HPD: variants seen among roughly 807,000 people sequenced by gnomAD.
HPD encodes the protein 4-hydroxyphenylpyruvate dioxygenase, also known as 4-hydroxyphenylpyruvic acid oxidase.
In HPD, 35 loss-of-function variants were observed where a neutral mutation model predicts 56.9. That is an observed-to-expected ratio of 0.62 (90% CI 0.47 to 0.82). HPD has a LOEUF of 0.82. HPD is among the 40% of genes least tolerant of loss of function. The pLI is 0.00. For synonymous variants in HPD, 186 were observed against 200.2 expected, an observed-to-expected ratio of 0.93 and a Z score of 0.60; for missense variants, 442 against 506.8, an observed-to-expected ratio of 0.87 and a Z score of 1.23.
At chr12:121,867,311 C>G (rs1332816954), upstream of HPD, among the ~76,000 whole-genome samples, 1 of 149,944 alleles carries the variant, frequency 6.7e-6, no homozygotes, top group African/African-American at 2.5e-5. Context: ...AAGATTGCAC[C>G]ACTGCACTCC....
chr12:121,879,229 G>A, the HPD span, among the ~76,000 whole-genome samples: 7 of 151,982 alleles, frequency 4.6e-5, no homozygotes, highest in African/African-American at 1.4e-4. Context: ...AGGTTGCAAT[G>A]AGCCGAGATT....
chr12:121,855,873 G>A (rs1174064371), intron 6 of HPD, among the ~76,000 whole-genome samples: 2 of 149,962 alleles, frequency 1.3e-5, no homozygotes, highest in Non-Finnish European at 2.9e-5. Flanking sequence ...AGGAGGCTGA[G>A]GCAGGAGAAT....
rs991417993 is a variant in HPD at position 121,857,146 on chromosome 12, G to T, written c.198+182C>A. 1.5e-5 allele frequency: 9 copies of T among 597,674 alleles called. No homozygotes were observed. The African/African-American group carries it at 1.7e-4, about 11-fold the overall frequency. The allele number at this position is 597,674 out of a possible 1,614,324, so 37.0% of individuals were successfully genotyped here. ...CCAGGCTGGAGTGCAGTGGCACGAC[G>T]TTGGCTCACTGCAACCTCTGCCTCC... On this transcript the variant is annotated intron_variant, in intron 4 of 13. Coordinates refer to ENST00000289004, the MANE Select transcript of HPD (RefSeq NM_002150.3).
chr12:121,843,959 G>T (rs914986349), intron 11 of HPD, 127 bp from the exon 12 acceptor site: 23 of 1,046,646 alleles, frequency 2.2e-5, no homozygotes, highest in Middle Eastern at 2.4e-4. Context: ...AGGATGCTGT[G>T]TGGCCTCTTC....
the HPD span, among the ~76,000 whole-genome samples, chr12:121,884,863 T>G: frequency 6.6e-6 from 1 of 152,126 alleles, no homozygotes; most frequent in Non-Finnish European, 1.5e-5. Flanking sequence ...CGTATTTACT[T>G]TATCTCTCTC....
rs191808721 is a variant in HPD at position 121,853,422 on chromosome 12, A to G, written c.414+1281T>C. On this transcript the variant is annotated intron_variant, in intron 7 of 13. Transcript: ENST00000289004. ...GGCGGGCGGATCACAAGGTCAGGAG[A>G]TCGAGACCATCCTGGATAACACGGT... 5.8e-3 allele frequency among the ~76,000 whole-genome samples: 873 copies of G among 150,372 alleles called. 5 individuals carry two copies. The highest frequency in any genetic ancestry group is 0.018 in the African/African-American group (717 of 40,874).
chr12:121,862,582 CCACCGCTCTCGGCCTTT>C (rs1878205196), upstream of HPD, among the ~76,000 whole-genome samples: 1 of 134,688 alleles, frequency 7.4e-6, no homozygotes, highest in African/African-American at 2.9e-5. Flanking sequence ...CAGGCGTGAG[CCACCGCTCTCGGCCTTT>C]TTTTTTTTTT....
intron 11 of HPD, 75 bp downstream of exon 11, chr12:121,846,787 C>A: frequency 1.4e-6 from 2 of 1,410,156 alleles, no homozygotes; most frequent in East Asian, 2.3e-5. Flanking sequence ...TGCCGCCACC[C>A]GCCCTCTCAA....
upstream of HPD, among the ~76,000 whole-genome samples, chr12:121,860,589 G>C (rs534715662): frequency 6.5e-4 from 99 of 152,274 alleles, no homozygotes; most frequent in Non-Finnish European, 9.1e-4. Flanking sequence ...GTTCAGGCTG[G>C]GCTCCACTGG....
chr12:121,842,741 CTTTTTTTT>C (rs34879391), intron 12 of HPD, among the ~76,000 whole-genome samples: 2 of 76,246 alleles, frequency 2.6e-5, no homozygotes, highest in Non-Finnish European at 4.9e-5. Flanking sequence ...TAAAATGGAT[CTTTTTTTT>C]TTTTTTTTTT....
the HPD span, among the ~76,000 whole-genome samples, chr12:121,881,520 T>C: frequency 6.6e-6 from 1 of 152,132 alleles, no homozygotes; most frequent in Non-Finnish European, 1.5e-5. Flanking sequence ...TACAACTCTC[T>C]CTAGGTTTCC....
chr12:121,861,785 G>A (rs1878180195), upstream of HPD, among the ~76,000 whole-genome samples: 1 of 152,072 alleles, frequency 6.6e-6, no homozygotes, highest in South Asian at 2.1e-4. Context: ...AGACTTAAAG[G>A]GCTTAAGAAA....
chr12:121,848,373 G>T (rs375329078), intron 9 of HPD, among the ~76,000 whole-genome samples: 1 of 152,026 alleles, frequency 6.6e-6, no homozygotes, highest in Non-Finnish European at 1.5e-5. Context: ...GTGCAGTGGC[G>T]TAATCTCAGC....
At chr12:121,864,583 G>A (rs142506039), upstream of HPD, among the ~76,000 whole-genome samples, 8,059 of 148,354 alleles carry the variant, frequency 0.054, 336 homozygotes, top group Non-Finnish European at 0.077. Flanking sequence ...GCCGGGCGCA[G>A]TGGCTCACGT....
chr12:121,855,433 T>C (rs1350043577), intron 6 of HPD, among the ~76,000 whole-genome samples: 1 of 152,146 alleles, frequency 6.6e-6, no homozygotes, highest in African/African-American at 2.4e-5. Flanking sequence ...ACAGTAATTC[T>C]GAGGCCAGGC....
the HPD span, among the ~76,000 whole-genome samples, chr12:121,885,915 C>T: frequency 2.0e-5 from 3 of 150,620 alleles, no homozygotes; most frequent in African/African-American, 2.4e-5. Context: ...GCCGAGATCT[C>T]GCCACTGCAC....
chr12:121,856,665 G>A (rs774905203), intron 4 of HPD, 40 bp from the exon 5 acceptor site: 3 of 1,599,194 alleles, frequency 1.9e-6, no homozygotes, highest in East Asian at 2.2e-5. Flanking sequence ...AGTGGCTCAG[G>A]GGGGCATGGG....
the HPD span, among the ~76,000 whole-genome samples, chr12:121,876,254 T>C: frequency 6.6e-6 from 1 of 152,170 alleles, no homozygotes; most frequent in Admixed American, 6.5e-5. Context: ...GAAGCTGCAG[T>C]GAGCCAAGAT....
rs140596268 is a variant in HPD, at chr12:121,857,428, G to A, written c.98C>T (p.Thr33Met). 5.8e-5 allele frequency: 94 copies of A among 1,609,808 alleles called. No individual in the cohort carries two copies. The African/African-American group carries it at 7.6e-4, about 13-fold the overall frequency. The change falls in exon 4 of 14, where the codon ACG (threonine) becomes ATG (methionine). Residue 33 changes from threonine (T) to methionine (M), a missense_variant. Transcript: ENST00000289004. ...TFWVGNAKQA[T>M]SFYCSKMGFE... ...GCCCATCTTGCTGCAGTAGAATGAC[G>A]TGGCCTGAATCACAGGGTTGCAGCA...
Sources: allele counts gnomAD v4.1 joint callset (sites outside exome capture counted in the v4.1 genomes callset), GRCh38; gene constraint gnomAD v4.1.1; transcripts MANE v1.5; gene names NCBI Gene and HGNC (gene_info 2026-07-23, HGNC 2026-07-21).